The following RORA variants were observed in gnomAD, a reference collection of about 807,000 sequenced individuals.
RORA encodes RAR related orphan receptor A.
A neutral mutation model predicts 69.5 loss-of-function variants in RORA; 7 were observed. The observed-to-expected ratio is 0.10, with a 90% confidence interval of 0.06 to 0.19. The LOEUF (loss-of-function observed/expected upper bound fraction) is 0.19, where lower values mean the gene tolerates loss of function less well. Ranked by LOEUF, RORA falls within the 10% of genes least tolerant of loss-of-function variation. The probability of loss-of-function intolerance (pLI) is 1.00; values close to 1 mark genes in which losing one functional copy is unlikely to be tolerated. For synonymous variants in RORA, 261 were observed against 240.8 expected (o/e 1.08, Z -0.78); for missense variants, 457 against 663.0 (o/e 0.69, Z 3.41).
At chr15:60,622,511 C>T (rs900732725) in intron 2 of RORA, among the ~76,000 whole-genome samples, 4 of 151,810 alleles carry the variant, frequency 2.6e-5, no homozygotes, top group African/African-American at 9.7e-5. Context: ...ACTCAGGAGG[C>T]TGAGATAGGA....
chr15:60,976,769 G>A (rs1344962906), intron 1 of RORA, among the ~76,000 whole-genome samples: 2 of 152,166 alleles, frequency 1.3e-5, no homozygotes, highest in African/African-American at 2.4e-5. Context: ...ACCCTGGTGA[G>A]TGAGCAGGGA....
chr15:60,832,965 C>T (rs1252243746), intron 1 of RORA, among the ~76,000 whole-genome samples: 6 of 149,556 alleles, frequency 4.0e-5, no homozygotes, highest in Admixed American at 6.7e-5. Context: ...AGTGCAGTGG[C>T]GTGATCTCGG....
chr15:60,781,810 G>A (rs1056463533), intron 1 of RORA, among the ~76,000 whole-genome samples: 3 of 152,208 alleles, frequency 2.0e-5, no homozygotes, highest in African/African-American at 7.2e-5. Context: ...CATTTAGTTT[G>A]TTTCCCACTT....
At chr15:60,866,635 T>C (rs1013591416) in intron 1 of RORA, among the ~76,000 whole-genome samples, 1 of 152,098 alleles carries the variant, frequency 6.6e-6, no homozygotes, top group African/African-American at 2.4e-5. Context: ...GGCTGGAGTT[T>C]AAATTAGTCA....
intron 1 of RORA, among the ~76,000 whole-genome samples, chr15:60,854,462 T>C (rs1437082862): frequency 1.3e-5 from 2 of 152,188 alleles, no homozygotes; most frequent in African/African-American, 4.8e-5. Flanking sequence ...AGAAAAATTT[T>C]TGCTGTTGAT....
chr15:60,633,887 T>C (rs1346804393), intron 2 of RORA, among the ~76,000 whole-genome samples: 1 of 152,242 alleles, frequency 6.6e-6, no homozygotes, highest in Non-Finnish European at 1.5e-5. Context: ...GGGAAATCCT[T>C]CTTTAAATAG....
intron 2 of RORA, among the ~76,000 whole-genome samples, chr15:60,542,947 G>A (rs140797681): frequency 3.1e-4 from 47 of 149,644 alleles, no homozygotes; most frequent in Admixed American, 4.6e-4. Flanking sequence ...CACTGCACAC[G>A]CACCCTACAC....
At chr15:61,048,113 G>T (rs1340422999) in intron 1 of RORA, among the ~76,000 whole-genome samples, 4 of 152,200 alleles carry the variant, frequency 2.6e-5, no homozygotes, top group Admixed American at 6.5e-5. Context: ...AACAGTTTCT[G>T]TGTACTTTAA....
At chr15:60,559,070 CAA>C (rs2067456526) in intron 2 of RORA, among the ~76,000 whole-genome samples, 1 of 151,558 alleles carries the variant, frequency 6.6e-6, no homozygotes, top group African/African-American at 2.4e-5. Flanking sequence ...TTATAAACAA[CAA>C]AATCTAATAA....
chr15:60,856,502 T>C (rs2073382169), intron 1 of RORA, among the ~76,000 whole-genome samples: 1 of 151,820 alleles, frequency 6.6e-6, no homozygotes, highest in Non-Finnish European at 1.5e-5. Flanking sequence ...TTTTTTTTTT[T>C]TCTTAGAACT....
chr15:60,636,563 CAT>C (rs1356234348), intron 2 of RORA, among the ~76,000 whole-genome samples: 1 of 152,130 alleles, frequency 6.6e-6, no homozygotes, highest in East Asian at 1.9e-4. Flanking sequence ...CAGTACAAGA[CAT>C]AGATTTCTGA....
intron 1 of RORA, among the ~76,000 whole-genome samples, chr15:61,050,233 G>A (rs1244425475): frequency 3.9e-5 from 6 of 152,170 alleles, no homozygotes; most frequent in South Asian, 4.1e-4. Flanking sequence ...CACTGCAGCC[G>A]CAGCGATGAG....
chr15:61,111,072 G>C (rs1286028299), intron 1 of RORA, among the ~76,000 whole-genome samples: 1 of 152,206 alleles, frequency 6.6e-6, no homozygotes, highest in Non-Finnish European at 1.5e-5. Flanking sequence ...TTGTGAGTTT[G>C]AAAGTCTGCA....
At chr15:60,539,215 A>C (rs1468678513) in intron 2 of RORA, among the ~76,000 whole-genome samples, 1 of 152,218 alleles carries the variant, frequency 6.6e-6, no homozygotes, top group Non-Finnish European at 1.5e-5. Flanking sequence ...AAATCTCTGA[A>C]GAATAAGGAA....
At chr15:61,056,037 G>C (rs548485400) in intron 1 of RORA, among the ~76,000 whole-genome samples, 6 of 152,226 alleles carry the variant, frequency 3.9e-5, no homozygotes, top group African/African-American at 1.4e-4. Flanking sequence ...CAATTAATCA[G>C]CTATCAACCC....
chr15:60,947,301 G>C (rs563067639), intron 1 of RORA, among the ~76,000 whole-genome samples: 3 of 152,022 alleles, frequency 2.0e-5, no homozygotes, highest in Admixed American at 6.5e-5. Context: ...TGCTGTGTCT[G>C]TGTGGAAAGA....
chr15:61,209,043 T>C (rs182448032), intron 1 of RORA, among the ~76,000 whole-genome samples: 7 of 152,310 alleles, frequency 4.6e-5, no homozygotes, highest in Admixed American at 2.0e-4. Context: ...AAGCTTTAAA[T>C]TGAAGGTTCT....
intron 1 of RORA, among the ~76,000 whole-genome samples, chr15:61,139,328 G>A (rs1384179228): frequency 6.6e-6 from 1 of 152,086 alleles, no homozygotes; most frequent in Non-Finnish European, 1.5e-5. Flanking sequence ...TCGTTCCACG[G>A]AGCACAGTCT....
At chr15:60,784,951 G>C (rs1947925) in intron 1 of RORA, among the ~76,000 whole-genome samples, 77,763 of 151,850 alleles carry the variant, frequency 0.51, 20,039 homozygotes, top group Middle Eastern at 0.56. Context: ...TGTCACCCCT[G>C]TCCCAGCCCT....
Sources: gnomAD v4.1 joint callset for allele counts (sites outside exome capture counted in the v4.1 genomes callset) on GRCh38, gnomAD v4.1.1 for gene constraint, MANE v1.5 for transcripts, NCBI Gene and HGNC (gene_info 2026-07-23, HGNC 2026-07-21) for gene names.